Variants in CLIC5 observed in about 807,000 individuals in gnomAD.
The protein encoded by CLIC5 is chloride intracellular channel protein 5.
In CLIC5, 20 loss-of-function variants were observed where a neutral mutation model predicts 24.7. That is an observed-to-expected ratio of 0.81 (90% CI 0.57 to 1.18). The LOEUF is 1.18. CLIC5 is among the 50% of genes most tolerant of loss of function. CLIC5 has a pLI of 0.00. For missense variants in CLIC5, 341 were observed against 326.1 expected (o/e 1.05, Z -0.35); for synonymous variants, 159 against 135.6 (o/e 1.17, Z -1.20).
chr6:45,980,581 G>A (rs1320390953), intron 1 of CLIC5, among the ~76,000 whole-genome samples: 2 of 151,960 alleles, frequency 1.3e-5, no homozygotes, highest in Non-Finnish European at 2.9e-5. Flanking sequence ...TGAAAAAGGA[G>A]AGAGATGGCT....
chr6:45,974,606 G>A (rs73738319), intron 1 of CLIC5, among the ~76,000 whole-genome samples: 5,359 of 147,876 alleles, frequency 0.036, 331 homozygotes, highest in African/African-American at 0.12. Context: ...GGAGTTGAGG[G>A]CAGGACCTGA....
chr6:46,087,903 G>T, the CLIC5 span, among the ~76,000 whole-genome samples: 1 of 152,072 alleles, frequency 6.6e-6, no homozygotes, highest in Non-Finnish European at 1.5e-5. Flanking sequence ...AAGAATAAAC[G>T]AGCTGCATAT....
the CLIC5 span, among the ~76,000 whole-genome samples, chr6:46,100,808 G>A: frequency 4.6e-5 from 7 of 152,148 alleles, no homozygotes; most frequent in Non-Finnish European, 1.0e-4. Flanking sequence ...TGGAGAAAAG[G>A]CATACAAATT....
intron 4 of CLIC5, among the ~76,000 whole-genome samples, chr6:45,936,699 T>C (rs1763949169): frequency 6.6e-6 from 1 of 152,180 alleles, no homozygotes; most frequent in Admixed American, 6.5e-5. Flanking sequence ...CTTTAGAGTC[T>C]GCAAGTTGAG....
At chr6:45,950,099 T>C (rs1764418960) in intron 2 of CLIC5, among the ~76,000 whole-genome samples, 1 of 152,186 alleles carries the variant, frequency 6.6e-6, no homozygotes, top group Middle Eastern at 3.2e-3. Context: ...AAACACCAGG[T>C]AGGCTATTAC....
intron 6 of CLIC5, among the ~76,000 whole-genome samples, chr6:45,883,203 G>A (rs1250577296): frequency 6.6e-6 from 1 of 152,202 alleles, no homozygotes. Context: ...GTGGAGCATT[G>A]AGAAACATTA....
intron 6 of CLIC5, among the ~76,000 whole-genome samples, chr6:45,886,591 G>T (rs1005373859): frequency 6.6e-6 from 1 of 152,184 alleles, no homozygotes; most frequent in Non-Finnish European, 1.5e-5. Flanking sequence ...GATTAGCCAA[G>T]TGCCCCAATG....
intron 1 of CLIC5, among the ~76,000 whole-genome samples, chr6:46,055,119 T>C (rs1207485533): frequency 6.6e-6 from 1 of 152,234 alleles, no homozygotes; most frequent in Non-Finnish European, 1.5e-5. Context: ...TTTCTTTTTT[T>C]GAGACAGAGT....
intron 1 of CLIC5, among the ~76,000 whole-genome samples, chr6:45,987,792 T>C (rs140701983): frequency 9.2e-5 from 14 of 152,242 alleles, no homozygotes; most frequent in Middle Eastern, 3.4e-3. Context: ...CCAATCCTAT[T>C]GGATTAGGGC....
chr6:45,961,516 C>T (rs1581795138), intron 1 of CLIC5, among the ~76,000 whole-genome samples: 1 of 152,232 alleles, frequency 6.6e-6, no homozygotes, highest in African/African-American at 2.4e-5. Flanking sequence ...GCAAAGGCCA[C>T]ATGAAAAGGA....
At chr6:46,075,835 CATTCGCACATTTTCTGAG>C (rs769032456) in intron 1 of CLIC5, among the ~76,000 whole-genome samples, 1 of 152,176 alleles carries the variant, frequency 6.6e-6, no homozygotes, top group Non-Finnish European at 1.5e-5. Flanking sequence ...TCAGCTTTCT[CATTCGCACATTTTCTGAG>C]AAGGGGTCCA....
intron 1 of CLIC5, among the ~76,000 whole-genome samples, chr6:46,072,332 A>G (rs1182568889): frequency 2.0e-5 from 3 of 151,950 alleles, no homozygotes; most frequent in African/African-American, 4.8e-5. Flanking sequence ...AGGCAGAGTG[A>G]CCAGTTAAAC....
intron 4 of CLIC5, among the ~76,000 whole-genome samples, chr6:45,938,606 G>A (rs972050547): frequency 1.3e-5 from 2 of 152,124 alleles, no homozygotes; most frequent in Admixed American, 6.5e-5. Flanking sequence ...AAGAAAACAG[G>A]GTGAAACAGA....
At chr6:46,109,513 T>TAAAAAAAAAAAAAAAA in the CLIC5 span, among the ~76,000 whole-genome samples, 2 of 47,182 alleles carry the variant, frequency 4.2e-5, no homozygotes, top group African/African-American at 2.0e-4. Context: ...CAGTCTCCAC[T>TAAAAAAAAAAAAAAAA]AAAAAAAAAA....
chr6:45,990,976 G>A (rs1016226209), intron 1 of CLIC5, among the ~76,000 whole-genome samples: 1 of 152,158 alleles, frequency 6.6e-6, no homozygotes, highest in Non-Finnish European at 1.5e-5. Context: ...CTGTCCATGT[G>A]AGGATTAGAT....
chr6:45,964,834 T>C (rs1764966134), intron 1 of CLIC5, among the ~76,000 whole-genome samples: 1 of 152,210 alleles, frequency 6.6e-6, no homozygotes, highest in African/African-American at 2.4e-5. Context: ...GCTGGTTTGT[T>C]ACTCAGCAGG....
At chr6:46,099,279 A>C in the CLIC5 span, among the ~76,000 whole-genome samples, 1 of 152,222 alleles carries the variant, frequency 6.6e-6, no homozygotes, top group African/African-American at 2.4e-5. Context: ...AAGGGCAGAA[A>C]AATTACCAGA....
chr6:45,949,111 G>T, intron 3 of CLIC5, 145 bp downstream of exon 3: 2 of 1,089,660 alleles, frequency 1.8e-6, no homozygotes, highest in Non-Finnish European at 2.6e-6. Flanking sequence ...GGGGGTCCTA[G>T]GCTCTCTCTT....
Position 45,914,413 on chromosome 6 carries a change from G to T in CLIC5, c.407-4C>A, listed in dbSNP as rs1237941604. ...TTGGTTAGGCCTCTTTCAAGAGCTG[G>T]CATGAAAGAGTAAAAGGGCCTTTAT... On this transcript the variant is annotated splice_region_variant and splice_polypyrimidine_tract_variant and intron_variant, in intron 4 of 5. Coordinates refer to ENST00000339561, the MANE Select transcript of CLIC5 (RefSeq NM_016929.5). 1.9e-6 allele frequency: 3 copies of T among 1,558,582 alleles called. No homozygotes were observed. Among genetic ancestry groups the T allele is most frequent in the African/African-American group, 2.7e-5 (2 of 73,540 alleles).
Sources: allele counts gnomAD v4.1 joint callset (sites outside exome capture counted in the v4.1 genomes callset), GRCh38; gene constraint gnomAD v4.1.1; transcripts MANE v1.5; gene names NCBI Gene and HGNC (gene_info 2026-07-23, HGNC 2026-07-21).